Variants in CDC14A observed in about 807,000 individuals in gnomAD.
The protein encoded by CDC14A is cell division cycle 14A, also known as dual specificity protein phosphatase CDC14A.
In CDC14A, 53 loss-of-function variants were observed where a neutral mutation model predicts 74.4. The observed-to-expected ratio is 0.71, with a 90% confidence interval of 0.57 to 0.89. The LOEUF is 0.89. Ranked by LOEUF, CDC14A falls within the 40% of genes least tolerant of loss-of-function variation. The probability of loss-of-function intolerance (pLI) is 0.00; values close to 1 mark genes in which losing one functional copy is unlikely to be tolerated. For missense variants in CDC14A, 646 were observed against 713.7 expected (o/e 0.91, Z 1.08); for synonymous variants, 247 against 258.4 (o/e 0.96, Z 0.43).
chr1:100,354,883 A>G (rs1651667734), intron 2 of CDC14A, among the ~76,000 whole-genome samples: 3 of 152,218 alleles, frequency 2.0e-5, no homozygotes, highest in African/African-American at 7.2e-5. Context: ...TCGAAGAGTA[A>G]GTGTTCTGGA....
chr1:100,505,318 C>G (rs79855879), intron 15 of CDC14A, among the ~76,000 whole-genome samples: 38 of 152,150 alleles, frequency 2.5e-4, no homozygotes, highest in African/African-American at 8.9e-4. Flanking sequence ...TATGAAGACT[C>G]TGGATGTTTT....
intron 15 of CDC14A, among the ~76,000 whole-genome samples, chr1:100,517,819 A>G (rs2101492450): frequency 6.6e-6 from 1 of 152,358 alleles, no homozygotes; most frequent in South Asian, 2.1e-4. Flanking sequence ...ATTCTACTGC[A>G]TTAGAAGCAT....
intron 5 of CDC14A, among the ~76,000 whole-genome samples, chr1:100,429,234 T>TAAATAAATAAACAAAC (rs60569646): frequency 7.8e-4 from 114 of 146,500 alleles, no homozygotes; most frequent in African/African-American, 2.9e-3. Flanking sequence ...AATAAATAAA[T>TAAATAAATAAACAAAC]ATAAAATAAA....
At chr1:100,495,017 G>A in intron 12 of CDC14A, 87 bp downstream of exon 12, 2 of 699,634 alleles carry the variant, frequency 2.9e-6, no homozygotes, top group Non-Finnish European at 4.9e-6. Flanking sequence ...GTAATCTTCT[G>A]TTTTGAATTT....
chr1:100,510,248 C>T (rs116440970), intron 15 of CDC14A, among the ~76,000 whole-genome samples: 3 of 152,326 alleles, frequency 2.0e-5, no homozygotes, highest in African/African-American at 7.2e-5. Context: ...TGAATACCTT[C>T]TATGTGCCTG....
intron 10 of CDC14A, among the ~76,000 whole-genome samples, chr1:100,480,153 C>T (rs1300318098): frequency 6.6e-6 from 1 of 152,164 alleles, no homozygotes; most frequent in East Asian, 1.9e-4. Flanking sequence ...TCACCATTAT[C>T]TCCACCCCCT....
chr1:100,455,497 GT>G lies in CDC14A; in HGVS notation c.607+14del, dbSNP rs769091089. 7.6e-5 allele frequency: 116 copies of G among 1,516,562 alleles called. No homozygotes were observed. Among genetic ancestry groups the G allele is most frequent in the Middle Eastern group, 1.7e-4 (1 of 5,790 alleles). The allele number at this position is 1,516,562 out of a possible 1,614,324, so 93.9% of individuals were successfully genotyped here. A position where few individuals can be genotyped will look rare whatever the true frequency, so the allele number is the denominator to read the frequency against. On this transcript the variant is annotated splice_donor_region_variant and intron_variant, in intron 8 of 15. Transcript: ENST00000336454. Reference sequence around the variant, plus strand: ...CTAAAAGCAAAATTGAGAATGGTAGGTTTTTTTTTCCTTTACCATCCAAACA... The same window carrying G: ...CTAAAAGCAAAATTGAGAATGGTAGGTTTTTTTTCCTTTACCATCCAAACA...
intron 8 of CDC14A, among the ~76,000 whole-genome samples, chr1:100,456,435 C>T (rs1053503572): frequency 1.3e-5 from 2 of 151,774 alleles, no homozygotes; most frequent in African/African-American, 4.8e-5. Flanking sequence ...ATATCCCCCC[C>T]CCTTTTTTTT....
At chr1:100,502,714 A>G (rs1240509961) in intron 15 of CDC14A, among the ~76,000 whole-genome samples, 1 of 152,238 alleles carries the variant, frequency 6.6e-6, no homozygotes, top group Admixed American at 6.5e-5. Context: ...CTTTGCTGGT[A>G]GAACCATGGG....
At chr1:100,429,913 C>T (rs1557751625) in intron 5 of CDC14A, among the ~76,000 whole-genome samples, 1 of 151,678 alleles carries the variant, frequency 6.6e-6, no homozygotes. Flanking sequence ...TTTCTTTCTT[C>T]TTTTTGTTTT....
At chr1:100,370,266 G>C (rs1322702468) in intron 2 of CDC14A, among the ~76,000 whole-genome samples, 2 of 151,802 alleles carry the variant, frequency 1.3e-5, no homozygotes, top group Non-Finnish European at 1.5e-5. Flanking sequence ...TTATAGGCAT[G>C]AGCCACTGCA....
intron 5 of CDC14A, among the ~76,000 whole-genome samples, chr1:100,437,601 G>A (rs1040524907): frequency 1.3e-5 from 2 of 152,112 alleles, no homozygotes; most frequent in Admixed American, 6.6e-5. Context: ...TAGTTCTGTC[G>A]GATGGCATGT....
At chr1:100,408,524 A>G (rs1571097126) in intron 4 of CDC14A, among the ~76,000 whole-genome samples, 1 of 152,338 alleles carries the variant, frequency 6.6e-6, no homozygotes, top group African/African-American at 2.4e-5. Flanking sequence ...ACTAATTTAC[A>G]CTGCCACTAA....
intron 2 of CDC14A, among the ~76,000 whole-genome samples, chr1:100,372,801 C>T (rs1161459971): frequency 6.6e-6 from 1 of 152,156 alleles, no homozygotes; most frequent in African/African-American, 2.4e-5. Flanking sequence ...ATGAACCAAC[C>T]TCTGCTAACT....
At chr1:100,483,408 C>T (rs989188054) in intron 10 of CDC14A, among the ~76,000 whole-genome samples, 1 of 152,114 alleles carries the variant, frequency 6.6e-6, no homozygotes, top group Non-Finnish European at 1.5e-5. Context: ...AATCCTGTTG[C>T]TTTAAAAAAT....
chr1:100,461,402 G>T (rs1667299798), intron 8 of CDC14A, among the ~76,000 whole-genome samples: 1 of 151,904 alleles, frequency 6.6e-6, no homozygotes, highest in Admixed American at 6.5e-5. Context: ...AAGAAATACA[G>T]CCAAGCACAC....
chr1:100,357,262 G>C (rs1183885674), intron 2 of CDC14A, among the ~76,000 whole-genome samples: 1 of 152,214 alleles, frequency 6.6e-6, no homozygotes, highest in African/African-American at 2.4e-5. Context: ...TGGGAAGATA[G>C]AGAAGGTCTC....
intron 11 of CDC14A, among the ~76,000 whole-genome samples, chr1:100,486,282 T>C (rs1438224961): frequency 6.6e-6 from 1 of 152,226 alleles, no homozygotes; most frequent in East Asian, 1.9e-4. Context: ...AACGTTTTAT[T>C]CTCATACTCT....
intron 8 of CDC14A, 63 bp from the exon 9 acceptor site, chr1:100,462,588 G>A (rs1449626866): frequency 8.1e-7 from 1 of 1,240,800 alleles, no homozygotes; most frequent in Non-Finnish European, 1.2e-6. Context: ...TGAGAGTTTT[G>A]TATTTCTGGG....
Sources: allele counts gnomAD v4.1 joint callset (sites outside exome capture counted in the v4.1 genomes callset), GRCh38; gene constraint gnomAD v4.1.1; transcripts MANE v1.5; gene names NCBI Gene and HGNC (gene_info 2026-07-23, HGNC 2026-07-21).